CCDC88A: variants seen among roughly 807,000 people sequenced by gnomAD.
CCDC88A encodes the protein coiled-coil and HOOK domain protein 88A.
Under a neutral mutation model 234.3 loss-of-function variants are expected in CCDC88A, and 54 were observed. That is an observed-to-expected ratio of 0.23 (90% CI 0.19 to 0.29). CCDC88A has a LOEUF of 0.29. CCDC88A is among the 10% of genes least tolerant of loss of function. CCDC88A has a pLI of 1.00. For missense variants in CCDC88A, 1,832 were observed against 2,123.4 expected (o/e 0.86, Z 2.70); for synonymous variants, 753 against 737.8 (o/e 1.02, Z -0.33).
At chr2:55,300,991 C>T (rs957443582) in intron 28 of CCDC88A, 3 of 483,904 alleles carry the variant, frequency 6.2e-6, no homozygotes, top group Non-Finnish European at 1.1e-5. Context: ...TTATAAATGA[C>T]CTTGGCTAAA....
At chr2:55,298,536 T>C (rs953759363) in intron 29 of CCDC88A, among the ~76,000 whole-genome samples, 3 of 152,134 alleles carry the variant, frequency 2.0e-5, no homozygotes, top group Admixed American at 1.3e-4. Context: ...AAAATAATTT[T>C]ATAATCCAAA....
intron 7 of CCDC88A, among the ~76,000 whole-genome samples, chr2:55,356,962 GTGCACACAGTCATTACTGTA>G (rs1670662187): frequency 6.6e-6 from 1 of 152,076 alleles, no homozygotes; most frequent in African/African-American, 2.4e-5. Flanking sequence ...CACATTTCAA[GTGCACACAGTCATTACTGTA>G]TGCACTGGGA....
intron 6 of CCDC88A, 29 bp from the exon 7 acceptor site, chr2:55,362,477 C>T: frequency 6.3e-7 from 1 of 1,580,394 alleles, no homozygotes. Context: ...AATAAACAAC[C>T]AAAAAAGTGG....
At position 55,419,086 on chromosome 2, in the gene CCDC88A, G is replaced by T. The variant is rs371769583; in HGVS notation, c.-7C>A. 1.3e-6 allele frequency: 2 copies of T among 1,595,358 alleles called. No individual in the cohort carries two copies. The highest frequency in any genetic ancestry group is 1.3e-5 in the African/African-American group (1 of 74,590). ...TAAAAATTTCGTTCTCCATTTTACA[G>T]AGTATGTATTTGAAAAAAGGAACTA... On this transcript the variant is annotated 5_prime_UTR_variant, in exon 1 of 33. It adds an upstream start codon to the 5' untranslated region. Coordinates refer to ENST00000436346, the MANE Select transcript of CCDC88A (RefSeq NM_001365480.1).
chr2:55,359,088 T>C (rs1670958787), intron 7 of CCDC88A, among the ~76,000 whole-genome samples: 1 of 152,200 alleles, frequency 6.6e-6, no homozygotes, highest in Non-Finnish European at 1.5e-5. Flanking sequence ...AATTATATGC[T>C]AGCTCATATT....
At chr2:55,326,486 T>A (rs1684280537) in intron 17 of CCDC88A, among the ~76,000 whole-genome samples, 1 of 152,240 alleles carries the variant, frequency 6.6e-6, no homozygotes, top group Non-Finnish European at 1.5e-5. Context: ...TAAAAGTTTA[T>A]AACAATATAA....
intron 12 of CCDC88A, among the ~76,000 whole-genome samples, chr2:55,341,567 C>G (rs1363771252): frequency 1.3e-5 from 2 of 151,764 alleles, no homozygotes; most frequent in Non-Finnish European, 2.9e-5. Context: ...GCCTCAGCCT[C>G]CCAAGTAGCT....
At chr2:55,413,583 T>C (rs1489277324) in intron 2 of CCDC88A, among the ~76,000 whole-genome samples, 1 of 152,052 alleles carries the variant, frequency 6.6e-6, no homozygotes, top group African/African-American at 2.4e-5. Context: ...CAGAAATATA[T>C]CAAGAATGTA....
intron 3 of CCDC88A, among the ~76,000 whole-genome samples, chr2:55,387,921 G>C (rs748773978): frequency 3.3e-5 from 5 of 151,114 alleles, no homozygotes; most frequent in Non-Finnish European, 7.4e-5. Context: ...AAGTCTATAA[G>C]ACAAAATTTG....
chr2:55,302,233 G>C (rs1379897074), intron 26 of CCDC88A, among the ~76,000 whole-genome samples, 161 bp from the exon 27 acceptor site: 2 of 152,170 alleles, frequency 1.3e-5, no homozygotes, highest in Admixed American at 1.3e-4. Flanking sequence ...GCATTCAGCT[G>C]AATGAAATGA....
At chr2:55,313,042 G>A (rs1231469359) in intron 22 of CCDC88A, 2 of 152,556 alleles carry the variant, frequency 1.3e-5, no homozygotes, top group East Asian at 1.9e-4. Context: ...CACACACTAA[G>A]TACTTAGTAT....
In CCDC88A at chr2:55,303,116, C is replaced by A; in HGVS notation, c.4424G>T (p.Arg1475Ile). The stretch of plus-strand genomic sequence containing the variant: ...CTTCATTTTGTCTTTATCCTTCGGT[C>A]TGTTCCTCAAAAAGGGCAGTCTTTT... The part of the protein sequence containing the change: ...ALKRLPFLRN[R>I]PKDKDKMKAC... The change falls in exon 26 of 33, where the codon AGA (arginine) becomes ATA (isoleucine). Residue 1475 changes from arginine to isoleucine, a missense_variant. Arg to Ile is a moderately conservative substitution (Grantham distance 97). This residue lies in a region of CCDC88A where 1,282 missense variants were observed against 1,543.6 expected (regional missense o/e 0.83). Transcript: ENST00000436346. 2 of 1,551,764 alleles carry A rather than the reference C, an allele frequency of 1.3e-6. No individual in the cohort carries two copies. The highest frequency in any genetic ancestry group is 2.4e-5 in the South Asian group (2 of 84,030).
chr2:55,325,342 C>T (rs1227059854), intron 17 of CCDC88A, among the ~76,000 whole-genome samples: 1 of 152,102 alleles, frequency 6.6e-6, no homozygotes. Context: ...TCTTTCATTG[C>T]TAATGTAGAG....
At chr2:55,300,177 T>C (rs1242966167) in intron 28 of CCDC88A, 1 of 387,560 alleles carries the variant, frequency 2.6e-6, no homozygotes, top group Non-Finnish European at 4.8e-6. Flanking sequence ...TAGATGGATA[T>C]GCCAGGAGTG....
chr2:55,331,922 A>T (rs1471954196), intron 16 of CCDC88A: 1 of 150,212 alleles, frequency 6.7e-6, no homozygotes, highest in Non-Finnish European at 1.5e-5. Flanking sequence ...CAAATAAAAA[A>T]TAACTTGCTT....
intron 29 of CCDC88A, chr2:55,297,108 TG>T (rs11364518): frequency 0.93 from 138,338 of 148,534 alleles, 64,625 homozygotes; most frequent in East Asian, 0.97. Flanking sequence ...TGCTTGATAC[TG>T]GGGGGGTGGA....
intron 2 of CCDC88A, chr2:55,418,286 T>G (rs1681804104): frequency 6.5e-6 from 1 of 153,214 alleles, no homozygotes; most frequent in Admixed American, 6.5e-5. Flanking sequence ...TCATCAGGCT[T>G]TAGTTATTAC....
At chr2:55,291,902 TA>T (rs1679483113) in intron 31 of CCDC88A, 127 bp from the exon 32 acceptor site, 1 of 600,482 alleles carries the variant, frequency 1.7e-6, no homozygotes, top group African/African-American at 1.9e-5. Flanking sequence ...GGAAAATTAT[TA>T]ATCTCATAGG....
In CCDC88A at chr2:55,317,309, A is replaced by T. The variant is rs765340238; in HGVS notation, c.3643T>A (p.Leu1215Met). ...TGTTCTACTTTGAGCATTTTTTCCA[A>T]ATCTTCCAACTGTCCTTTCTGTTTT... ...LLKQKGQLED[L>M]EKMLKVEQEK... The change falls in exon 21 of 33, where the codon TTG (leucine) becomes ATG (methionine). Residue 1215 changes from leucine to methionine, a missense_variant. Coordinates refer to ENST00000436346, the MANE Select transcript of CCDC88A (RefSeq NM_001365480.1). The surrounding 1 kb of genome is among the most constrained non-coding windows in gnomAD (Gnocchi z 4.2). The T allele has an allele frequency of 1.3e-6, 2 of 1,542,848 alleles. No individual in the cohort carries two copies. Among genetic ancestry groups the T allele is most frequent in the Admixed American group, 1.8e-5 (1 of 56,454 alleles).
Sources: gnomAD v4.1 joint callset for allele counts (sites outside exome capture counted in the v4.1 genomes callset) on GRCh38, gnomAD v4.1.1 for gene constraint, gnomAD v4.1.1 regional missense constraint, Gnocchi (gnomAD v3.1) non-coding constraint, MANE v1.5 for transcripts, NCBI Gene and HGNC (gene_info 2026-07-23, HGNC 2026-07-21) for gene names.